RAET1G: variants seen among roughly 807,000 people sequenced by gnomAD.
RAET1G encodes the protein UL-16 binding protein 5.
A neutral mutation model predicts 29.5 loss-of-function variants in RAET1G; 25 were observed. That is an observed-to-expected ratio of 0.85 (90% CI 0.62 to 1.18). The LOEUF is 1.18. Ranked by LOEUF, RAET1G falls within the 50% of genes most tolerant of loss-of-function variation. The pLI, the probability that RAET1G is intolerant of heterozygous loss-of-function variation, is 0.00. For missense variants in RAET1G, 434 were observed against 423.6 expected, an observed-to-expected ratio of 1.02 and a Z score of -0.22; for synonymous variants, 167 against 159.5, an observed-to-expected ratio of 1.05 and a Z score of -0.36.
rs1778498826 is a variant in RAET1G, at chr6:149,918,309, A to T, written c.707T>A (p.Ile236Asn). ...ATTLILCCLL[I>N]MCLLICSRHS... ...CCTGGAGCATATGAGGAGACACATG[A>T]TGAGGAGGCAGCAAAGGATGAGGGT... is the stretch of plus-strand genomic sequence containing the variant. The change falls in exon 4 of 5, where the codon ATC becomes AAC. Residue 236 changes from isoleucine (I) to asparagine (N), a missense_variant. Coordinates refer to ENST00000367360, the MANE Select transcript of RAET1G (RefSeq NM_001001788.4). 4 of 1,613,974 alleles carry T rather than the reference A, an allele frequency of 2.5e-6. No individual in the cohort carries two copies. The East Asian group carries it at 8.9e-5, about 36-fold the overall frequency.
rs775733097 is a variant in RAET1G, at chr6:149,918,236, A to G, written c.780T>C (p.Pro260=). ...GATGAAGCAGGGGAGGATGAGGAGGAGGCTGCAGGGACTGAGGGTGGTGGC... is the reference window on the plus strand; with the variant it reads ...GATGAAGCAGGGGAGGATGAGGAGGGGGCTGCAGGGACTGAGGGTGGTGGC... ...SHGHHPQSLQ[P]PPHPPLLHPT... is the part of the protein sequence containing the mutation. The change falls in exon 4 of 5, where the codon CCT becomes CCC. Residue 260 remains proline (P), a synonymous_variant. Coordinates refer to ENST00000367360, the MANE Select transcript of RAET1G (RefSeq NM_001001788.4). 2.7e-5 allele frequency: 43 copies of G among 1,613,990 alleles called. No individual in the cohort carries two copies. The South Asian group carries it at 4.4e-4, about 16-fold the overall frequency.
intron 1 of RAET1G, 105 bp from the exon 2 acceptor site, chr6:149,919,921 C>A: frequency 6.2e-7 from 1 of 1,603,452 alleles, no homozygotes; most frequent in East Asian, 2.2e-5. Context: ...GCTGGGCTGG[C>A]CCAGCAAGGA....
chr6:149,916,947 T>C lies in RAET1G; in HGVS notation c.970A>G (p.Arg324Gly), dbSNP rs1205927185. 8 of 1,545,874 alleles carry C rather than the reference T, an allele frequency of 5.2e-6. No homozygotes were observed. In the Admixed American group the frequency reaches 1.6e-4, roughly 30 times the overall value. ...ALYTINNGAA[R>G]YSEPLQVSIS ...GAGACCTGTAGTGGCTCCGAATACC[T>C]GGCTGCGCCGTTATTTATTGTATAC... The change falls in exon 5 of 5, where the codon AGG (arginine) becomes GGG (glycine). Residue 324 changes from arginine (R) to glycine (G), a missense_variant. Transcript: ENST00000367360.
At position 149,918,386 on chromosome 6, in the gene RAET1G, T is replaced by G. The variant is rs772427926; in HGVS notation, c.632-2A>C. 1.9e-6 allele frequency: 3 copies of G among 1,613,906 alleles called. No homozygotes were observed. Among genetic ancestry groups the G allele is most frequent in the Non-Finnish European group, 2.5e-6 (3 of 1,179,862 alleles). ...TGCCTGAGGACATGGTGGGTGGTGCTGAAATGGAAGCACAAGAGTGACAAC... is the reference window on the plus strand; with the variant it reads ...TGCCTGAGGACATGGTGGGTGGTGCGGAAATGGAAGCACAAGAGTGACAAC... On this transcript the variant is annotated splice_acceptor_variant, in intron 3 of 4. Coordinates refer to ENST00000367360, the MANE Select transcript of RAET1G (RefSeq NM_001001788.4). LOFTEE classifies it high-confidence loss of function.
chr6:149,921,586 G>C (rs756466804), intron 1 of RAET1G, among the ~76,000 whole-genome samples: 6 of 152,176 alleles, frequency 3.9e-5, no homozygotes, highest in African/African-American at 1.4e-4. Flanking sequence ...AGTTGGCCCC[G>C]ATTCCCAGGA....
intron 4 of RAET1G, 119 bp downstream of exon 4, chr6:149,918,055 G>A (rs991500797): frequency 1.3e-5 from 11 of 878,420 alleles, no homozygotes; most frequent in Middle Eastern, 3.3e-4. Flanking sequence ...TCATTCACCT[G>A]TCTCATGTTA....
At chr6:149,918,968 G>A in intron 3 of RAET1G, 75 bp downstream of exon 3, 2 of 1,591,356 alleles carry the variant, frequency 1.3e-6, no homozygotes, top group Non-Finnish European at 8.6e-7. Flanking sequence ...GATTGAAGCT[G>A]AACTCAAGAA....
At chr6:149,917,553 T>C (rs1325125288) in intron 4 of RAET1G, among the ~76,000 whole-genome samples, 2 of 152,366 alleles carry the variant, frequency 1.3e-5, no homozygotes, top group Middle Eastern at 3.4e-3. Context: ...ACAGAGATTA[T>C]TATAACATTG....
intron 4 of RAET1G, among the ~76,000 whole-genome samples, chr6:149,917,363 G>C (rs530759636): frequency 1.3e-5 from 2 of 152,316 alleles, no homozygotes; most frequent in East Asian, 3.9e-4. Context: ...CCTTTTCCCG[G>C]TCTGCTAAGT....
chr6:149,921,129 G>A (rs138603940), intron 1 of RAET1G, among the ~76,000 whole-genome samples: 183 of 152,316 alleles, frequency 1.2e-3, no homozygotes, highest in African/African-American at 4.2e-3. Flanking sequence ...AGGTGTGCAG[G>A]GAATATATTC....
At chr6:149,922,831 G>C (rs1778625463) in intron 1 of RAET1G, 95 bp downstream of exon 1, 3 of 816,728 alleles carry the variant, frequency 3.7e-6, no homozygotes, top group Admixed American at 3.0e-5. Flanking sequence ...GTGATCGCAC[G>C]GGTCCTTCCA....
At chr6:149,922,885 G>T in intron 1 of RAET1G, 41 bp downstream of exon 1, 3 of 1,451,946 alleles carry the variant, frequency 2.1e-6, no homozygotes, top group South Asian at 1.2e-5. Flanking sequence ...AGCCCCCCAC[G>T]GTTGGCCTCC....
Position 149,917,011 on chromosome 6 carries a change from A to G in RAET1G, c.906T>C (p.Ile302=), listed in dbSNP as rs994545777. The change falls in exon 5 of 5, where the codon ATT becomes ATC. Residue 302 remains isoleucine, a synonymous_variant. Coordinates refer to ENST00000367360, the MANE Select transcript of RAET1G (RefSeq NM_001001788.4). The part of the protein sequence containing the change: ...GHVTRVTLPI[I]GDDSHSLPCP... ...AGGGTAAGGAGTGTGAGTCGTCTCC[A>G]ATGATAGGTAAAGTCACGCGAGTCA... 2 of 1,550,698 alleles carry G rather than the reference A, an allele frequency of 1.3e-6. No individual in the cohort carries two copies. The highest frequency in any genetic ancestry group is 2.7e-5 in the African/African-American group (2 of 73,038).
At chr6:149,920,832 C>A (rs1431599671) in intron 1 of RAET1G, among the ~76,000 whole-genome samples, 1 of 152,144 alleles carries the variant, frequency 6.6e-6, no homozygotes, top group African/African-American at 2.4e-5. Flanking sequence ...GGAAACCCAA[C>A]CTGAATAGTG....
At chr6:149,918,931 T>C (rs2114648589) in intron 3 of RAET1G, 112 bp downstream of exon 3, 1 of 1,541,074 alleles carries the variant, frequency 6.5e-7, no homozygotes, top group Non-Finnish European at 8.7e-7. Context: ...GAGGAGGTCA[T>C]TTTAACATAA....
intron 4 of RAET1G, among the ~76,000 whole-genome samples, chr6:149,917,957 C>T (rs1354927750): frequency 5.3e-5 from 8 of 152,238 alleles, no homozygotes; most frequent in African/African-American, 1.2e-4. Flanking sequence ...GGCACCACTG[C>T]GCCTTTCCCT....
chr6:149,918,484 G>T, intron 3 of RAET1G, 100 bp from the exon 4 acceptor site: 1 of 1,357,522 alleles, frequency 7.4e-7, no homozygotes, highest in Non-Finnish European at 1.0e-6. Flanking sequence ...GGAAGGCAGA[G>T]GTTTTGTCCC....
Position 149,917,030 on chromosome 6 carries a change from C to A in RAET1G, c.887G>T (p.Arg296Leu). 1 of 1,550,284 alleles carries A rather than the reference C, an allele frequency of 6.5e-7. No homozygotes were observed. Residue 296 changes from arginine (R) to leucine (L), a missense_variant, in exon 5 of 5, where the codon CGC (arginine) becomes CTC (leucine). Transcript: ENST00000367360. ...GTCTCCAATGATAGGTAAAGTCACG[C>A]GAGTCACGTGTCCACCAGACAAGGG... is the stretch of plus-strand genomic sequence containing the variant. ...KRPLSGGHVT[R>L]VTLPIIGDDS...
At chr6:149,922,875 A>G in intron 1 of RAET1G, 51 bp downstream of exon 1, 1 of 1,353,344 alleles carries the variant, frequency 7.4e-7, no homozygotes, top group Non-Finnish European at 1.0e-6. Flanking sequence ...CACAGTCCAC[A>G]GCCCCCCACG....
Sources: allele counts gnomAD v4.1 joint callset (sites outside exome capture counted in the v4.1 genomes callset), GRCh38; gene constraint gnomAD v4.1.1; transcripts MANE v1.5; gene names NCBI Gene and HGNC (gene_info 2026-07-23, HGNC 2026-07-21).